The following PTPRM variants were observed in gnomAD, a reference collection of about 807,000 sequenced individuals.
The protein encoded by PTPRM is protein tyrosine phosphatase receptor type M.
A neutral mutation model predicts 186.7 loss-of-function variants in PTPRM; 47 were observed. That is an observed-to-expected ratio of 0.25 (90% CI 0.20 to 0.32). The LOEUF is 0.32. Among genes scored for constraint, PTPRM ranks in the 10% least tolerant of loss-of-function variants. The pLI, the probability that PTPRM is intolerant of heterozygous loss-of-function variation, is 1.00. For synonymous variants in PTPRM, 668 were observed against 674.9 expected (o/e 0.99, Z 0.16); for missense variants, 1,494 against 1,865.0 (o/e 0.80, Z 3.66).
At chr18:7,882,774 T>C (rs1433154999) in intron 2 of PTPRM, among the ~76,000 whole-genome samples, 1 of 152,228 alleles carries the variant, frequency 6.6e-6, no homozygotes, top group Non-Finnish European at 1.5e-5. Context: ...AGAGAATTCA[T>C]GTAGTTTTCT....
chr18:7,609,873 A>G (rs1236813942), intron 1 of PTPRM, among the ~76,000 whole-genome samples: 1 of 152,178 alleles, frequency 6.6e-6, no homozygotes, highest in African/African-American at 2.4e-5. Flanking sequence ...GAATTTTGCT[A>G]ATGATGGCTG....
intron 1 of PTPRM, among the ~76,000 whole-genome samples, chr18:7,686,744 A>C (rs1236477193): frequency 6.6e-6 from 1 of 152,212 alleles, no homozygotes; most frequent in East Asian, 1.9e-4. Flanking sequence ...CTAACATGAA[A>C]AAAACCTCTG....
intron 1 of PTPRM, among the ~76,000 whole-genome samples, chr18:7,608,912 C>T (rs1437409151): frequency 3.3e-5 from 5 of 152,102 alleles, no homozygotes; most frequent in African/African-American, 1.2e-4. Context: ...ATGTAGGAAG[C>T]AAGCAACCCC....
intron 6 of PTPRM, among the ~76,000 whole-genome samples, chr18:7,949,708 G>A (rs576208354): frequency 8.6e-5 from 13 of 152,044 alleles, no homozygotes; most frequent in Non-Finnish European, 1.5e-4. Context: ...ATCAGCCAGC[G>A]TGTTTATGAT....
At chr18:7,863,281 C>G (rs1396548825) in intron 2 of PTPRM, among the ~76,000 whole-genome samples, 4 of 152,052 alleles carry the variant, frequency 2.6e-5, no homozygotes, top group Non-Finnish European at 5.9e-5. Flanking sequence ...TATACACATG[C>G]CATGGTGGTT....
intron 1 of PTPRM, among the ~76,000 whole-genome samples, chr18:7,759,367 A>G (rs1030812380): frequency 2.0e-5 from 3 of 152,242 alleles, no homozygotes; most frequent in Non-Finnish European, 2.9e-5. Flanking sequence ...AAAACCAAAT[A>G]TATGGTGACA....
chr18:7,718,385 A>C (rs761509252), intron 1 of PTPRM, among the ~76,000 whole-genome samples: 10 of 152,192 alleles, frequency 6.6e-5, no homozygotes, highest in African/African-American at 2.4e-4. Context: ...GTGGATCCTC[A>C]TCTTTCACCT....
chr18:8,122,794 C>T (rs1023793315), intron 13 of PTPRM, among the ~76,000 whole-genome samples: 3 of 152,126 alleles, frequency 2.0e-5, no homozygotes, highest in Non-Finnish European at 4.4e-5. Flanking sequence ...TTAAACGAAG[C>T]CCCCCAAAGG....
At chr18:7,773,570 G>GTTTTTTTTTTTTTTTTTTGT (rs2042432125) in intron 1 of PTPRM, among the ~76,000 whole-genome samples, 2 of 129,096 alleles carry the variant, frequency 1.5e-5, no homozygotes, top group Non-Finnish European at 3.3e-5. Context: ...TCTTTTCTTT[G>GTTTTTTTTTTTTTTTTTTGT]TTTTTTTTTT....
chr18:7,863,261 G>A (rs1310392575), intron 2 of PTPRM, among the ~76,000 whole-genome samples: 3 of 152,012 alleles, frequency 2.0e-5, no homozygotes, highest in African/African-American at 7.2e-5. Context: ...ATGCAGGTTT[G>A]TTACATAGGT....
intron 17 of PTPRM, among the ~76,000 whole-genome samples, chr18:8,249,307 G>A (rs2094506172): frequency 6.6e-6 from 1 of 151,882 alleles, no homozygotes; most frequent in Non-Finnish European, 1.5e-5. Flanking sequence ...GTTGCCTAAG[G>A]AAAAAATGAA....
At chr18:7,672,030 GA>G (rs1396879089) in intron 1 of PTPRM, among the ~76,000 whole-genome samples, 1 of 152,162 alleles carries the variant, frequency 6.6e-6, no homozygotes, top group African/African-American at 2.4e-5. Context: ...TCAGTTAATT[GA>G]AAGATAATCT....
chr18:7,805,426 G>C (rs2044185005), intron 2 of PTPRM, among the ~76,000 whole-genome samples: 1 of 152,140 alleles, frequency 6.6e-6, no homozygotes, highest in Non-Finnish European at 1.5e-5. Flanking sequence ...ATAACCTGCT[G>C]TGCTTCTGTT....
At chr18:8,392,433 G>T (rs2095819398) in intron 31 of PTPRM, among the ~76,000 whole-genome samples, 1 of 152,048 alleles carries the variant, frequency 6.6e-6, no homozygotes, top group Admixed American at 6.6e-5. Flanking sequence ...GACTATCCTG[G>T]CTAACACGGT....
At chr18:8,397,207 G>C (rs1392487582) in intron 32 of PTPRM, among the ~76,000 whole-genome samples, 1 of 152,248 alleles carries the variant, frequency 6.6e-6, no homozygotes, top group Non-Finnish European at 1.5e-5. Flanking sequence ...AGCCCCACCA[G>C]ATCACATGTG....
chr18:7,733,490 A>G (rs1461068127), intron 1 of PTPRM, among the ~76,000 whole-genome samples: 1 of 152,108 alleles, frequency 6.6e-6, no homozygotes, highest in African/African-American at 2.4e-5. Context: ...TATCAATGAT[A>G]GGCATTTGGG....
intron 2 of PTPRM, among the ~76,000 whole-genome samples, chr18:7,876,647 G>A (rs1445306360): frequency 6.6e-6 from 1 of 152,172 alleles, no homozygotes; most frequent in Non-Finnish European, 1.5e-5. Flanking sequence ...CAGCAGTCTA[G>A]CCTGGACCTG....
chr18:8,245,906 A>T (rs975540309), intron 15 of PTPRM, among the ~76,000 whole-genome samples: 3 of 152,226 alleles, frequency 2.0e-5, no homozygotes, highest in African/African-American at 7.2e-5. Flanking sequence ...TTTGAAAGTG[A>T]ATGTATCTGT....
chr18:7,885,428 A>C (rs1260315512), intron 2 of PTPRM, among the ~76,000 whole-genome samples: 1 of 152,146 alleles, frequency 6.6e-6, no homozygotes, highest in Non-Finnish European at 1.5e-5. Flanking sequence ...CTTCTGTAGG[A>C]TCTTCAGCTT....
Sources: allele counts gnomAD v4.1 joint callset (sites outside exome capture counted in the v4.1 genomes callset), GRCh38; gene constraint gnomAD v4.1.1; transcripts MANE v1.5; gene names NCBI Gene and HGNC (gene_info 2026-07-23, HGNC 2026-07-21).